The following HUNK variants were observed in gnomAD, a reference collection of about 807,000 sequenced individuals.
The protein encoded by HUNK is hormonally up-regulated Neu-associated kinase, also known as hormonally up-regulated neu tumor-associated kinase.
In HUNK, 21 loss-of-function variants were observed where a neutral mutation model predicts 61.0. The observed-to-expected ratio is 0.34, with a 90% CI of 0.24 to 0.50. The LOEUF (loss-of-function observed/expected upper bound fraction) is 0.50, where lower values mean the gene tolerates loss of function less well. Among genes scored for constraint, HUNK ranks in the 20% least tolerant of loss-of-function variants. The pLI, the probability that HUNK is intolerant of heterozygous loss-of-function variation, is 0.98. For synonymous variants in HUNK, 371 were observed against 386.1 expected (o/e 0.96, Z 0.46); for missense variants, 772 against 945.7 (o/e 0.82, Z 2.41).
chr21:31,939,635 C>T (rs913733315), intron 2 of HUNK, among the ~76,000 whole-genome samples: 7 of 151,536 alleles, frequency 4.6e-5, no homozygotes, highest in East Asian at 1.9e-4. Flanking sequence ...CTCGAACTCG[C>T]GACCTCAGGT....
chr21:31,884,923 G>T (rs1404295475), intron 1 of HUNK, among the ~76,000 whole-genome samples: 1 of 151,926 alleles, frequency 6.6e-6, no homozygotes, highest in East Asian at 2.0e-4. Context: ...GACTACAGGT[G>T]CGTGCCACCA....
intron 7 of HUNK, among the ~76,000 whole-genome samples, chr21:31,976,960 G>A (rs2053054639): frequency 6.6e-6 from 1 of 151,808 alleles, no homozygotes; most frequent in African/African-American, 2.4e-5. Flanking sequence ...TGGTAGAGAT[G>A]GGGTTTTGCC....
chr21:31,903,531 C>T (rs2052483703), intron 1 of HUNK, among the ~76,000 whole-genome samples: 1 of 152,010 alleles, frequency 6.6e-6, no homozygotes, highest in Non-Finnish European at 1.5e-5. Context: ...AAAAAAATTA[C>T]CTTTACAGCT....
intron 8 of HUNK, among the ~76,000 whole-genome samples, chr21:31,989,343 CTTA>C (rs2053155359): frequency 6.6e-6 from 1 of 152,180 alleles, no homozygotes; most frequent in South Asian, 2.1e-4. Context: ...CACTTTGTGT[CTTA>C]TTTCAAAATC....
chr21:31,877,938 A>G (rs1302367479), intron 1 of HUNK, among the ~76,000 whole-genome samples: 1 of 152,156 alleles, frequency 6.6e-6, no homozygotes, highest in Non-Finnish European at 1.5e-5. Context: ...CAGAATAAGG[A>G]AAGTGACTTA....
chr21:31,932,934 A>ACAGAGT (rs1325204923), intron 2 of HUNK, among the ~76,000 whole-genome samples: 7 of 130,968 alleles, frequency 5.3e-5, no homozygotes, highest in Admixed American at 1.6e-4. Flanking sequence ...TTTTTTTGAT[A>ACAGAGT]CAGAGTCTTG....
chr21:31,982,015 A>G (rs1482546246), intron 7 of HUNK, among the ~76,000 whole-genome samples: 1 of 152,076 alleles, frequency 6.6e-6, no homozygotes, highest in Non-Finnish European at 1.5e-5. Flanking sequence ...CCCATCACCT[A>G]GGCATTAATC....
In HUNK at chr21:31,943,951, T is replaced by C. The variant is rs759881839; in HGVS notation, c.611-2085T>C. 4.7e-4 allele frequency among the ~76,000 whole-genome samples: 72 copies of C among 152,272 alleles called. 1 individual carries two copies. The highest frequency in any genetic ancestry group is 8.8e-5 in the Non-Finnish European group (6 of 68,052). ...CCCAGCTATTATTGTGTTTATTTGATGGTGCTGTCTCTCACAGTAGGTGCT... is the reference window on the plus strand; with the variant it reads ...CCCAGCTATTATTGTGTTTATTTGACGGTGCTGTCTCTCACAGTAGGTGCT... On this transcript the variant is annotated intron_variant, in intron 3 of 10. Coordinates refer to ENST00000270112, the MANE Select transcript of HUNK (RefSeq NM_014586.2).
rs182282400 is a variant in HUNK, at chr21:31,941,607, G to A, written c.610+1387G>A. ...CAGGCATGAGCCACCATGCCTGGCT[G>A]ATTTTCTTTTTGTTAAATTGTTTTA... is the stretch of plus-strand genomic sequence containing the variant. On this transcript the variant is annotated intron_variant, in intron 3 of 10. Transcript: ENST00000270112. Among the ~76,000 whole-genome samples, 119 of 152,190 alleles carry A rather than the reference G, an allele frequency of 7.8e-4. 1 individual carries two copies. The highest frequency in any genetic ancestry group is 3.2e-4 in the Non-Finnish European group (22 of 68,006).
rs1325121494 is a variant in HUNK, at chr21:31,968,337, A to T, written c.962A>T (p.Asn321Ile). 10 of 1,614,214 alleles carry T rather than the reference A, an allele frequency of 6.2e-6. No individual in the cohort carries two copies. The highest frequency in any genetic ancestry group is 8.5e-6 in the Non-Finnish European group (10 of 1,180,028). Residue 321 changes from asparagine (N) to isoleucine (I), a missense_variant, in exon 6 of 11, where the codon AAT becomes ATT. By Grantham distance (149) the Asn-to-Ile change is moderately radical. Around this residue, in one of 2 missense-constraint regions of HUNK, gnomAD observed 359 missense variants for 501.3 expected, o/e 0.72. Transcript: ENST00000270112. The part of the protein sequence containing the change: ...IQQALANRWL[N>I]ENYTGKVPCN... ...CAGGCACTGGCGAATCGCTGGCTTA[A>T]TGAGAATTACACGGGCAAAGTGCCC...
chr21:31,968,044 C>T (rs564445289), intron 5 of HUNK, among the ~76,000 whole-genome samples: 2 of 152,154 alleles, frequency 1.3e-5, no homozygotes, highest in South Asian at 2.1e-4. Context: ...ATTTTCCACA[C>T]CCCTCCTGTC....
At chr21:31,877,360 A>G (rs1363735167) in intron 1 of HUNK, among the ~76,000 whole-genome samples, 2 of 152,084 alleles carry the variant, frequency 1.3e-5, no homozygotes, top group African/African-American at 4.8e-5. Context: ...GTTTTTCCCA[A>G]CTTTCCTTTT....
chr21:31,955,258 A>ATTTTT (rs10654162), intron 4 of HUNK, among the ~76,000 whole-genome samples: 1 of 144,964 alleles, frequency 6.9e-6, no homozygotes, highest in Non-Finnish European at 1.5e-5. Context: ...AATAAAAGTG[A>ATTTTT]TTTTTTTTTT....
At chr21:31,925,920 A>G (rs547775952) in intron 2 of HUNK, among the ~76,000 whole-genome samples, 1 of 121,126 alleles carries the variant, frequency 8.3e-6, no homozygotes, top group Admixed American at 1.1e-4. Context: ...GAACAACCAG[A>G]AATATTTTTT....
chr21:31,974,738 G>T, intron 7 of HUNK, 21 bp downstream of exon 7: 2 of 1,597,182 alleles, frequency 1.3e-6, no homozygotes, highest in African/African-American at 1.3e-5. Context: ...CCCTAGAGGC[G>T]ATCGTCTCTG....
intron 1 of HUNK, among the ~76,000 whole-genome samples, chr21:31,886,665 C>CTT (rs71193155): frequency 0.19 from 28,553 of 146,804 alleles, 3,306 homozygotes; most frequent in Middle Eastern, 0.27. Flanking sequence ...TCAGAAAATA[C>CTT]TTTTTTTTTT....
chr21:31,979,577 G>A (rs1397065710), intron 7 of HUNK, among the ~76,000 whole-genome samples: 3 of 127,064 alleles, frequency 2.4e-5, no homozygotes, highest in Non-Finnish European at 4.6e-5. Context: ...CCAGGCTGGC[G>A]TGATCTCAGC....
rs74809440 is a variant in HUNK at position 31,957,778 on chromosome 21, T to C, written c.747-1065T>C. 4.5e-4 allele frequency among the ~76,000 whole-genome samples: 68 copies of C among 152,290 alleles called. No individual in the cohort carries two copies. The East Asian group carries it at 0.013, about 29-fold the overall frequency. ...AGGTATTTCAACCACATCTGAGATG[T>C]TGGGTTGGGGCCAGGTGGCAGAATC... On this transcript the variant is annotated intron_variant, in intron 4 of 10. Coordinates refer to ENST00000270112, the MANE Select transcript of HUNK (RefSeq NM_014586.2).
intron 8 of HUNK, among the ~76,000 whole-genome samples, chr21:31,986,629 T>C (rs2053135204): frequency 6.6e-6 from 1 of 152,118 alleles, no homozygotes; most frequent in African/African-American, 2.4e-5. Flanking sequence ...CTGCCTTGTC[T>C]CCTAGCCACA....
Sources: allele counts gnomAD v4.1 joint callset (sites outside exome capture counted in the v4.1 genomes callset), GRCh38; gene constraint gnomAD v4.1.1; regional missense constraint gnomAD v4.1.1; transcripts MANE v1.5; gene names NCBI Gene and HGNC (gene_info 2026-07-23, HGNC 2026-07-21).